The following FLNB variants were observed in gnomAD, a reference collection of about 807,000 sequenced individuals.
The protein encoded by FLNB is filamin B.
Under a neutral mutation model 250.6 loss-of-function variants are expected in FLNB, and 111 were observed. The ratio of observed to expected loss-of-function variants is 0.44; its 90% CI spans 0.38 to 0.52. The LOEUF (loss-of-function observed/expected upper bound fraction) is 0.52. FLNB is among the 20% of genes least tolerant of loss of function. FLNB has a pLI of 0.00. For missense variants in FLNB, 2,869 were observed against 3,447.8 expected (o/e 0.83, Z 4.20); for synonymous variants, 1,302 against 1,372.1 (o/e 0.95, Z 1.13).
intron 1 of FLNB, among the ~76,000 whole-genome samples, chr3:58,057,462 A>G (rs76176791): frequency 0.058 from 8,790 of 152,250 alleles, 816 homozygotes; most frequent in African/African-American, 0.2. Context: ...CTGTGCCTGA[A>G]GGGTATGAGG....
At position 58,164,100 on chromosome 3, in the gene FLNB, CAG is replaced by C. The variant is rs2097366453; in HGVS notation, c.7198+773_7198+774del. 6.6e-6 allele frequency: 1 copy of C among 152,254 alleles called. No individual in the cohort carries two copies. The highest frequency in any genetic ancestry group is 6.5e-5 in the Admixed American group (1 of 15,278). The allele number at this position is 152,254 out of a possible 1,614,324, so 9.4% of individuals were successfully genotyped here. A position where few individuals can be genotyped will look rare whatever the true frequency, so the allele number is the denominator to read the frequency against. On this transcript the variant is annotated intron_variant, in intron 43 of 45. Transcript: ENST00000295956. This position sits in a 1 kb window ranked among gnomAD's most constrained non-coding sequence, Gnocchi z 4.0. ...AATTGGTTCATTAGACAAGCAGACA[CAG>C]AGTTTTGCTTTTGTCTTACAGAAAG...
At chr3:58,067,581 G>GT (rs1332774375) in intron 1 of FLNB, among the ~76,000 whole-genome samples, 23 of 146,618 alleles carry the variant, frequency 1.6e-4, no homozygotes, top group East Asian at 6.1e-4. Flanking sequence ...GGTTTTTTTT[G>GT]TTTGTTTTTT....
At chr3:58,066,533 CT>C (rs2097185980) in intron 1 of FLNB, among the ~76,000 whole-genome samples, 1 of 152,160 alleles carries the variant, frequency 6.6e-6, no homozygotes, top group Non-Finnish European at 1.5e-5. Flanking sequence ...TGTTTCCCTT[CT>C]TCGACCTTTC....
Position 58,146,504 on chromosome 3 carries a change from C to T in FLNB, c.5555-316C>T, listed in dbSNP as rs371078686. ...GCAGGGACAATCCACCTCTGCCCTC[C>T]ACCACCCACCGTCTCCTATGTGTAA... On this transcript the variant is annotated intron_variant, in intron 33 of 45. Coordinates refer to ENST00000295956, the MANE Select transcript of FLNB (RefSeq NM_001457.4). 1.6e-4 allele frequency among the ~76,000 whole-genome samples: 24 copies of T among 152,326 alleles called. No homozygotes were observed. The South Asian group carries it at 5.0e-3, about 32-fold the overall frequency.
At chr3:58,014,448 T>C in intron 1 of FLNB, among the ~76,000 whole-genome samples, 1 of 152,260 alleles carries the variant, frequency 6.6e-6, no homozygotes, top group South Asian at 2.1e-4. Context: ...CAGATGGTGG[T>C]TGGGCCTCTG....
intron 38 of FLNB, chr3:58,150,810 T>C (rs1251372614): frequency 1.2e-5 from 2 of 160,312 alleles, no homozygotes; most frequent in Admixed American, 1.2e-4. Flanking sequence ...TGAGTGAAAA[T>C]TTTGAGGCTC....
chr3:58,116,818 G>C (rs1383648899), intron 18 of FLNB, among the ~76,000 whole-genome samples: 1 of 152,170 alleles, frequency 6.6e-6, no homozygotes, highest in Non-Finnish European at 1.5e-5. Flanking sequence ...GAAGCTGGTG[G>C]CAATGTCTCC....
At chr3:58,051,258 C>T (rs1181882276) in intron 1 of FLNB, among the ~76,000 whole-genome samples, 6 of 152,326 alleles carry the variant, frequency 3.9e-5, no homozygotes, top group Non-Finnish European at 7.3e-5. Context: ...AAAAGGGAGA[C>T]GCATGCCTCT....
intron 15 of FLNB, 135 bp from the exon 16 acceptor site, chr3:58,109,875 A>G: frequency 1.4e-6 from 2 of 1,420,356 alleles, no homozygotes; most frequent in Non-Finnish European, 2.0e-6. Context: ...CCCTTTCCCC[A>G]AATCCTTACT....
At chr3:58,153,712 AC>A in intron 39 of FLNB, 71 bp downstream of exon 39, 2 of 1,569,016 alleles carry the variant, frequency 1.3e-6, no homozygotes, top group African/African-American at 1.4e-5. Flanking sequence ...GCACCCACAT[AC>A]TTTTTTGCCC....
At chr3:58,054,052 G>A (rs2097166725) in intron 1 of FLNB, among the ~76,000 whole-genome samples, 1 of 152,148 alleles carries the variant, frequency 6.6e-6, no homozygotes, top group Middle Eastern at 3.2e-3. Flanking sequence ...AGGACCTTCT[G>A]GGCAAAGAAG....
At chr3:58,138,560 G>T in intron 29 of FLNB, 31 bp downstream of exon 29, 2 of 1,613,674 alleles carry the variant, frequency 1.2e-6, no homozygotes, top group Non-Finnish European at 1.7e-6. Context: ...CGAGCATGCT[G>T]TTATTGGTGG....
intron 25 of FLNB, 148 bp from the exon 26 acceptor site, chr3:58,132,660 C>A (rs2097309422): frequency 7.4e-6 from 7 of 945,026 alleles, no homozygotes; most frequent in East Asian, 2.5e-5. Flanking sequence ...TTTTTTCAGG[C>A]CTGTGATTAT....
intron 1 of FLNB, among the ~76,000 whole-genome samples, chr3:58,054,820 G>A (rs140067004): frequency 2.6e-5 from 4 of 152,234 alleles, no homozygotes; most frequent in African/African-American, 9.6e-5. Context: ...ACTATGGCAT[G>A]GGGGCCATAT....
rs1575476859 is a variant in FLNB, at chr3:58,163,275, G to A, written c.7143G>A (p.Ala2381=). 1.1e-5 allele frequency: 17 copies of A among 1,614,224 alleles called. No homozygotes were observed. The highest frequency in any genetic ancestry group is 2.2e-5 in the South Asian group (2 of 91,084). The stretch of plus-strand genomic sequence containing the variant: ...TGCGCGTTGGGGAGCCTGGACAAGC[G>A]GGGAACCCTGCCCTGGTGTCCGCCT... ...FKVRVGEPGQ[A]GNPALVSAYG... is the part of the protein sequence containing the mutation. Residue 2381 remains alanine (A), a synonymous_variant, in exon 43 of 46, where the codon GCG becomes GCA. Coordinates refer to ENST00000295956, the MANE Select transcript of FLNB (RefSeq NM_001457.4).
intron 25 of FLNB, chr3:58,132,129 A>G (rs1171064331): frequency 2.7e-6 from 2 of 738,464 alleles, no homozygotes; most frequent in Admixed American, 2.2e-5. Context: ...TGAGCATGCC[A>G]TCCTTTGATT....
intron 2 of FLNB, 28 bp from the exon 3 acceptor site, chr3:58,078,689 A>G (rs768821658): frequency 1.2e-6 from 2 of 1,600,890 alleles, no homozygotes; most frequent in African/African-American, 1.3e-5. Flanking sequence ...AGCTAATGCT[A>G]AAAGAATCTT....
chr3:58,056,771 A>G (rs1196477295), intron 1 of FLNB, among the ~76,000 whole-genome samples: 3 of 151,762 alleles, frequency 2.0e-5, no homozygotes, highest in Non-Finnish European at 4.4e-5. Context: ...TTGTATTTTT[A>G]GTAGAGATGG....
At chr3:58,051,685 G>T (rs56374442) in intron 1 of FLNB, among the ~76,000 whole-genome samples, 151 of 149,258 alleles carry the variant, frequency 1.0e-3, no homozygotes, top group South Asian at 2.8e-3. Flanking sequence ...GTTTTTTTGG[G>T]TTTTTTTTTT....
Sources: allele counts gnomAD v4.1 joint callset (sites outside exome capture counted in the v4.1 genomes callset), GRCh38; gene constraint gnomAD v4.1.1; non-coding constraint Gnocchi (gnomAD v3.1); transcripts MANE v1.5; gene names NCBI Gene and HGNC (gene_info 2026-07-23, HGNC 2026-07-21).